MECOM: variants seen among roughly 807,000 people sequenced by gnomAD.
The protein encoded by MECOM is MDS1 and EVI1 complex locus, also known as histone-lysine N-methyltransferase MECOM.
In MECOM, 13 loss-of-function variants were observed where a neutral mutation model predicts 116.3. The observed-to-expected ratio is 0.11, with a 90% CI of 0.07 to 0.18. MECOM has a LOEUF of 0.18. Among genes scored for constraint, MECOM ranks in the 10% least tolerant of loss-of-function variants. The pLI, the probability that MECOM is intolerant of heterozygous loss-of-function variation, is 1.00. For missense variants in MECOM, 1,299 were observed against 1,509.0 expected (o/e 0.86, Z 2.31); for synonymous variants, 528 against 535.2 (o/e 0.99, Z 0.19).
At chr3:169,324,215 G>C (rs56160101) in intron 2 of MECOM, among the ~76,000 whole-genome samples, 11 of 152,108 alleles carry the variant, frequency 7.2e-5, no homozygotes, top group Admixed American at 1.3e-4. Context: ...TCATCCTCAC[G>C]ATAACCCTGG....
At chr3:169,270,089 G>A (rs185681708) in intron 2 of MECOM, among the ~76,000 whole-genome samples, 33 of 151,868 alleles carry the variant, frequency 2.2e-4, no homozygotes, top group South Asian at 8.3e-4. Context: ...ATATTCAAAC[G>A]CACTCAACAA....
intron 1 of MECOM, among the ~76,000 whole-genome samples, chr3:169,536,939 A>G (rs1576768600): frequency 1.3e-5 from 2 of 152,258 alleles, no homozygotes; most frequent in African/African-American, 4.8e-5. Flanking sequence ...TATTTTATAG[A>G]TGGGGAAACT....
At chr3:169,448,591 T>G (rs150511741) in intron 1 of MECOM, among the ~76,000 whole-genome samples, 88 of 152,284 alleles carry the variant, frequency 5.8e-4, no homozygotes, top group African/African-American at 2.1e-3. Flanking sequence ...TCAAATATTT[T>G]AGAATAGCAT....
At chr3:169,431,420 G>T (rs749471137) in intron 1 of MECOM, among the ~76,000 whole-genome samples, 2 of 152,162 alleles carry the variant, frequency 1.3e-5, no homozygotes, top group Non-Finnish European at 2.9e-5. Flanking sequence ...GCTTACCGTT[G>T]CTAGTAGAAC....
intron 2 of MECOM, among the ~76,000 whole-genome samples, chr3:169,375,760 G>A (rs909713385): frequency 6.6e-6 from 1 of 152,058 alleles, no homozygotes; most frequent in African/African-American, 2.4e-5. Context: ...ACAAAGAGGA[G>A]CTCGTACCAT....
intron 2 of MECOM, among the ~76,000 whole-genome samples, chr3:169,244,184 T>C (rs1755257917): frequency 6.6e-6 from 1 of 152,218 alleles, no homozygotes; most frequent in African/African-American, 2.4e-5. Context: ...TGAGCTTGCA[T>C]TAAAATCTAC....
chr3:169,319,194 G>A (rs1382868476), intron 2 of MECOM, among the ~76,000 whole-genome samples: 1 of 151,768 alleles, frequency 6.6e-6, no homozygotes, highest in Non-Finnish European at 1.5e-5. Context: ...ATCAGTGATC[G>A]ACTGGATAAA....
Position 169,118,863 on chromosome 3 carries a change from C to T in MECOM, c.1133-2124G>A, listed in dbSNP as rs187362764. Reference sequence around the variant, plus strand: ...ATCGAATCTGGGATGTTTTCTTAGGCAGAGGCTTTGTTTTCGGCACTTGAA... The same window carrying T: ...ATCGAATCTGGGATGTTTTCTTAGGTAGAGGCTTTGTTTTCGGCACTTGAA... On this transcript the variant is annotated intron_variant, in intron 7 of 16. Transcript: ENST00000651503. 6.6e-5 allele frequency among the ~76,000 whole-genome samples: 10 copies of T among 152,226 alleles called. No individual in the cohort carries two copies. The East Asian group carries it at 1.7e-3, about 27-fold the overall frequency.
chr3:169,592,813 T>C lies in MECOM; in HGVS notation c.37+70523A>G, dbSNP rs545614472. 1.3e-3 allele frequency among the ~76,000 whole-genome samples: 201 copies of C among 151,736 alleles called. 1 individual carries two copies. The highest frequency in any genetic ancestry group is 4.6e-3 in the African/African-American group (190 of 41,442). On this transcript the variant is annotated intron_variant, in intron 1 of 16. Coordinates refer to ENST00000651503, the MANE Select transcript of MECOM (RefSeq NM_004991.4). ...ATTTTCCACAATTACATGTATTACA[T>C]TACAGACACACATACACACATACAC...
intron 2 of MECOM, among the ~76,000 whole-genome samples, chr3:169,297,514 G>A (rs989755034): frequency 1.5e-5 from 2 of 132,636 alleles, no homozygotes; most frequent in African/African-American, 3.1e-5. Context: ...TTTTGCCTGG[G>A]TTTGTTACAA....
At chr3:169,109,679 G>A (rs1395480008) in intron 9 of MECOM, among the ~76,000 whole-genome samples, 2 of 152,126 alleles carry the variant, frequency 1.3e-5, no homozygotes, top group Non-Finnish European at 2.9e-5. Context: ...GCCTCCCAAA[G>A]TGCTGGGATT....
chr3:169,487,865 TAG>T (rs1752594227), intron 1 of MECOM, among the ~76,000 whole-genome samples: 1 of 152,022 alleles, frequency 6.6e-6, no homozygotes, highest in African/African-American at 2.4e-5. Flanking sequence ...AATAGAAAGC[TAG>T]AGTGGTTACA....
At chr3:169,317,508 A>G (rs192085469) in intron 2 of MECOM, among the ~76,000 whole-genome samples, 30 of 152,332 alleles carry the variant, frequency 2.0e-4, no homozygotes, top group African/African-American at 6.7e-4. Flanking sequence ...CAGAGATGTA[A>G]GGTCATTCAT....
At position 169,240,367 on chromosome 3, in the gene MECOM, A is replaced by T. The variant is rs534841797; in HGVS notation, c.376-96535T>A. Among the ~76,000 whole-genome samples, 270 of 152,226 alleles carry T rather than the reference A, an allele frequency of 1.8e-3. 1 individual carries two copies. Among genetic ancestry groups the T allele is most frequent in the Non-Finnish European group, 2.4e-3 (164 of 68,010 alleles). ...TCCCCAACCCCCACCCTAAATCTTC[A>T]TGCCTAAACCAAAATTCATTTGATG... On this transcript the variant is annotated intron_variant, in intron 2 of 16. Transcript: ENST00000651503.
chr3:169,663,172 G>C (rs1358432168), intron 1 of MECOM, among the ~76,000 whole-genome samples, 164 bp downstream of exon 1: 1 of 151,776 alleles, frequency 6.6e-6, no homozygotes, highest in African/African-American at 2.4e-5. Context: ...GCGACCGGGA[G>C]CAGAGACTGG....
At chr3:169,113,740 G>T (rs9823265) in intron 8 of MECOM, among the ~76,000 whole-genome samples, 8,606 of 152,034 alleles carry the variant, frequency 0.057, 819 homozygotes, top group African/African-American at 0.2. Flanking sequence ...TCTTAAAGCA[G>T]AATAAAATAC....
At position 169,381,456 on chromosome 3, in the gene MECOM, C is replaced by T. The variant is rs781351398; in HGVS notation, c.106G>A (p.Ala36Thr). 1.2e-6 allele frequency: 2 copies of T among 1,613,484 alleles called. No homozygotes were observed. The highest frequency in any genetic ancestry group is 8.5e-7 in the Non-Finnish European group (1 of 1,179,734). Residue 36 changes from alanine (A) to threonine (T), a missense_variant, in exon 2 of 17, where the codon GCC becomes ACC. Transcript: ENST00000651503. Reference protein sequence around the residue: ...LEEMPDADGVASTPSLNIQEP... With the variant: ...LEEMPDADGVTSTPSLNIQEP... ...TGAATATTGAGGGAGGGAGTGCTGGCTACTCCATCTGCATCTGGCATTTCT... is the reference window on the plus strand; with the variant it reads ...TGAATATTGAGGGAGGGAGTGCTGGTTACTCCATCTGCATCTGGCATTTCT...
intron 1 of MECOM, among the ~76,000 whole-genome samples, chr3:169,428,054 C>A (rs1741008935): frequency 6.6e-6 from 1 of 152,156 alleles, no homozygotes; most frequent in Admixed American, 6.5e-5. Flanking sequence ...GTGGCAGGTG[C>A]CTGTAGTCCC....
chr3:169,439,362 T>G (rs1466043562), intron 1 of MECOM, among the ~76,000 whole-genome samples: 2 of 148,336 alleles, frequency 1.3e-5, no homozygotes, highest in Non-Finnish European at 3.0e-5. Flanking sequence ...ATTAATATAG[T>G]TAATATATTA....
Sources: allele counts gnomAD v4.1 joint callset (sites outside exome capture counted in the v4.1 genomes callset), GRCh38; gene constraint gnomAD v4.1.1; transcripts MANE v1.5; gene names NCBI Gene and HGNC (gene_info 2026-07-23, HGNC 2026-07-21).